Variants in THAP2 observed in about 807,000 individuals in gnomAD.
THAP2 encodes THAP domain-containing protein 2.
THAP2 carries 16 observed loss-of-function variants against 18.8 expected under a neutral mutation model. The ratio of observed to expected loss-of-function variants is 0.85; its 90% CI spans 0.58 to 1.29. The LOEUF (loss-of-function observed/expected upper bound fraction) is 1.29. THAP2 is among the 50% of genes most tolerant of loss of function. THAP2 has a pLI of 0.00. For synonymous variants in THAP2, 80 were observed against 89.2 expected, an observed-to-expected ratio of 0.90 and a Z score of 0.58; for missense variants, 251 against 265.3, an observed-to-expected ratio of 0.95 and a Z score of 0.38.
Position 71,672,457 on chromosome 12 carries a change from T to C in THAP2, c.72-1746T>C, listed in dbSNP as rs558128722. On this transcript the variant is annotated intron_variant, in intron 1 of 2. Transcript: ENST00000308086. ...TCTGTATAAACTCTAATATGATTTT[T>C]CTAAAAAATTTTCTTTCTAAAAAAA... Among the ~76,000 whole-genome samples, 3 of 152,292 alleles carry C rather than the reference T, an allele frequency of 2.0e-5. No individual in the cohort carries two copies. The East Asian group carries it at 5.8e-4, about 29-fold the overall frequency.
chr12:71,664,690 G>C (rs1881297706), intron 1 of THAP2, 110 bp downstream of exon 1: 4 of 1,275,634 alleles, frequency 3.1e-6, no homozygotes, highest in East Asian at 4.8e-5. Flanking sequence ...TTCCCAGCTG[G>C]TAGCAGGGAA....
At chr12:71,671,766 A>G (rs1221833947) in intron 1 of THAP2, among the ~76,000 whole-genome samples, 1 of 152,100 alleles carries the variant, frequency 6.6e-6, no homozygotes, top group Non-Finnish European at 1.5e-5. Flanking sequence ...GATCCTTAAA[A>G]CTTCTGACCC....
intron 1 of THAP2, chr12:71,665,240 G>T (rs559891163): frequency 1.3e-4 from 49 of 365,398 alleles, no homozygotes; most frequent in Admixed American, 7.4e-4. Flanking sequence ...CAGGTACTCT[G>T]TAAATGTTTA....
intron 1 of THAP2, 74 bp from the exon 2 acceptor site, chr12:71,674,129 A>T: frequency 7.1e-7 from 1 of 1,406,878 alleles, no homozygotes; most frequent in South Asian, 1.5e-5. Context: ...TCATCTTCGA[A>T]ATTTCTTTTA....
Position 71,674,306 on chromosome 12 carries a change from G to A in THAP2, c.175G>A (p.Ala59Thr), listed in dbSNP as rs752815083. The change falls in exon 2 of 3, where the codon GCC becomes ACC. Residue 59 changes from alanine to threonine, a missense_variant. Ala to Thr is a moderately conservative substitution (Grantham distance 58). Transcript: ENST00000308086. ...HTFLCSKHFEASCFDLTGQTR... is the reference protein window; with the variant it reads ...HTFLCSKHFETSCFDLTGQTR... The stretch of plus-strand genomic sequence containing the variant: ...TTTTCTTTGTTCAAAGCACTTTGAA[G>A]CCTCCTGTTTTGACCTAACAGGACA... 4 of 1,613,240 alleles carry A rather than the reference G, an allele frequency of 2.5e-6. No homozygotes were observed. In the Admixed American group the frequency reaches 5.0e-5, roughly 20 times the overall value.
intron 2 of THAP2, among the ~76,000 whole-genome samples, chr12:71,675,700 G>A (rs1401882681): frequency 6.6e-6 from 1 of 152,098 alleles, no homozygotes; most frequent in Non-Finnish European, 1.5e-5. Flanking sequence ...ACTCCCAGTG[G>A]CTTAGTATTG....
At chr12:71,675,340 C>T (rs903983583) in intron 2 of THAP2, among the ~76,000 whole-genome samples, 3 of 152,076 alleles carry the variant, frequency 2.0e-5, no homozygotes, top group Non-Finnish European at 4.4e-5. Context: ...GTCTTTTTCA[C>T]ACGTGAATCC....
At position 71,678,960 on chromosome 12, in the gene THAP2, T is replaced by C. The variant is rs1393380422; in HGVS notation, c.*1852T>C. The C allele has an allele frequency of 6.6e-6, 1 of 152,188 alleles. No homozygotes were observed. Among genetic ancestry groups the C allele is most frequent in the Non-Finnish European group, 1.5e-5 (1 of 68,010 alleles). 9.4% of individuals were successfully genotyped at this position (152,188 alleles called of 1,614,324 possible). A position where few individuals can be genotyped will look rare whatever the true frequency, so the allele number is the denominator to read the frequency against. Reference sequence around the variant, plus strand: ...TCTAGTATGGTTTCAAATAACTTTTTGCCAACATATAATCATCATCAAACA... The same window carrying C: ...TCTAGTATGGTTTCAAATAACTTTTCGCCAACATATAATCATCATCAAACA... On this transcript the variant is annotated 3_prime_UTR_variant, in exon 3 of 3. Coordinates refer to ENST00000308086, the MANE Select transcript of THAP2 (RefSeq NM_031435.4).
Position 71,664,567 on chromosome 12 carries a change from A to T in THAP2, c.58A>T (p.Ile20Phe). ...CACTACCTACAACAAGCACATTAAC[A>T]TCAGCTTCCACAGGTAACCTGGGCA... ...CATTYNKHIN[I>F]SFHRFPLDPK... is the part of the protein sequence containing the mutation. Residue 20 changes from isoleucine (I) to phenylalanine (F), a missense_variant, in exon 1 of 3, where the codon ATC (isoleucine) becomes TTC (phenylalanine). Transcript: ENST00000308086. 6.2e-7 allele frequency: 1 copy of T among 1,614,172 alleles called. No individual in the cohort carries two copies. The highest frequency in any genetic ancestry group is 8.5e-7 in the Non-Finnish European group (1 of 1,180,014).
rs1881548845 is a variant in THAP2, at chr12:71,678,120, CT to C, written c.*1014del. ...GGCATCAGTTTATCTTAGACATCAG[CT>C]TGCTTTTTATCTCCTTTTTTAGTGA... On this transcript the variant is annotated 3_prime_UTR_variant, in exon 3 of 3. Transcript: ENST00000308086. The C allele has an allele frequency of 2.6e-5, 4 of 152,224 alleles. No homozygotes were observed. In the South Asian group the frequency reaches 8.3e-4, roughly 32 times the overall value. The allele number at this position is 152,224 out of a possible 1,614,324, so 9.4% of individuals were successfully genotyped here. A position where few individuals can be genotyped will look rare whatever the true frequency, so the allele number is the denominator to read the frequency against.
intron 1 of THAP2, 24 bp from the exon 2 acceptor site, chr12:71,674,179 G>A: frequency 1.3e-6 from 2 of 1,504,204 alleles, no homozygotes; most frequent in Non-Finnish European, 1.8e-6. Flanking sequence ...GTTGGAATTT[G>A]AGTTGCATTT....
At chr12:71,665,252 C>T (rs1352216465) in intron 1 of THAP2, 2 of 322,586 alleles carry the variant, frequency 6.2e-6, no homozygotes, top group African/African-American at 4.3e-5. Context: ...AAATGTTTAC[C>T]TTCTCTGCAA....
intron 1 of THAP2, among the ~76,000 whole-genome samples, chr12:71,672,731 A>C (rs180701222): frequency 3.3e-4 from 50 of 152,204 alleles, no homozygotes; most frequent in African/African-American, 9.9e-4. Flanking sequence ...ATATATATAT[A>C]TCTCAAGCAA....
intron 2 of THAP2, 128 bp downstream of exon 2, chr12:71,674,526 C>CCTTTACTGTACAAG: frequency 1.3e-6 from 1 of 751,072 alleles, no homozygotes; most frequent in Non-Finnish European, 2.0e-6. Flanking sequence ...TCCTCTTGTA[C>CCTTTACTGTACAAG]AGTAAAGGTA....
chr12:71,668,709 C>A (rs1881384533), intron 1 of THAP2, among the ~76,000 whole-genome samples: 1 of 152,156 alleles, frequency 6.6e-6, no homozygotes, highest in African/African-American at 2.4e-5. Flanking sequence ...ATGAGGCATT[C>A]AACTAATTAT....
In THAP2 at chr12:71,670,011, A is replaced by G. The variant is rs1014936114; in HGVS notation, c.72-4192A>G. On this transcript the variant is annotated intron_variant, in intron 1 of 2. Transcript: ENST00000308086. The stretch of plus-strand genomic sequence containing the variant: ...GTAAAATAGAAAAAATGCATATGTG[A>G]ATTGTGGAGTGATATACAGATGTTA... 2.9e-4 allele frequency among the ~76,000 whole-genome samples: 44 copies of G among 151,796 alleles called. 1 individual carries two copies. Among genetic ancestry groups the G allele is most frequent in the Admixed American group, 2.9e-3 (44 of 15,260 alleles).
At chr12:71,675,907 GAGATCAATAA>G (rs1361676737) in intron 2 of THAP2, among the ~76,000 whole-genome samples, 3 of 152,024 alleles carry the variant, frequency 2.0e-5, no homozygotes, top group African/African-American at 4.8e-5. Flanking sequence ...ATGAAGTGGA[GAGATCAATAA>G]AGAATAATAT....
In THAP2 at chr12:71,675,343, G is replaced by A. The variant is rs533325854; in HGVS notation, c.267+945G>A. On this transcript the variant is annotated intron_variant, in intron 2 of 2. Coordinates refer to ENST00000308086, the MANE Select transcript of THAP2 (RefSeq NM_031435.4). ...GACAAGAACTTAGTCTTTTTCACAC[G>A]TGAATCCTCAGCACCTCAAACAGTG... Among the ~76,000 whole-genome samples the A allele has an allele frequency of 3.9e-5, 6 of 152,052 alleles. No individual in the cohort carries two copies. In the East Asian group the frequency reaches 5.8e-4, roughly 15 times the overall value.
intron 1 of THAP2, among the ~76,000 whole-genome samples, chr12:71,666,571 A>G (rs1193867372): frequency 6.6e-6 from 1 of 152,200 alleles, no homozygotes; most frequent in African/African-American, 2.4e-5. Flanking sequence ...AATAACATGC[A>G]TAAAATTTGC....
Sources: allele counts gnomAD v4.1 joint callset (sites outside exome capture counted in the v4.1 genomes callset), GRCh38; gene constraint gnomAD v4.1.1; transcripts MANE v1.5; gene names NCBI Gene and HGNC (gene_info 2026-07-23, HGNC 2026-07-21).